The following OCA2 variants were observed in gnomAD, a reference collection of about 807,000 sequenced individuals.
The protein encoded by OCA2 is P protein.
In OCA2, 77 loss-of-function variants were observed where a neutral mutation model predicts 100.2. The observed-to-expected ratio is 0.77, with a 90% CI of 0.64 to 0.93. The LOEUF is 0.93. Among genes scored for constraint, OCA2 ranks in the 40% least tolerant of loss-of-function variants. OCA2 has a pLI of 0.00. For missense variants in OCA2, 1,062 were observed against 1,089.1 expected (o/e 0.98, Z 0.35); for synonymous variants, 432 against 439.2 (o/e 0.98, Z 0.21).
intron 19 of OCA2, among the ~76,000 whole-genome samples, chr15:27,905,310 G>A (rs1035524858): frequency 2.6e-5 from 4 of 152,158 alleles, no homozygotes; most frequent in Admixed American, 1.3e-4. Context: ...TCCACATAAT[G>A]TGAAGGTAGA....
At chr15:27,850,720 C>T (rs2035716754) in intron 22 of OCA2, among the ~76,000 whole-genome samples, 1 of 152,126 alleles carries the variant, frequency 6.6e-6, no homozygotes, top group African/African-American at 2.4e-5. Flanking sequence ...TCTAAGAATA[C>T]CTGGATATAA....
At chr15:27,746,301 C>T in the OCA2 span, among the ~76,000 whole-genome samples, 1 of 151,926 alleles carries the variant, frequency 6.6e-6, no homozygotes. Context: ...ACTAAAAATA[C>T]AAAAATTAAA....
the OCA2 span, among the ~76,000 whole-genome samples, chr15:27,744,409 G>A: frequency 3.9e-5 from 6 of 152,308 alleles, no homozygotes; most frequent in East Asian, 5.8e-4. Flanking sequence ...CCGTGGGCAC[G>A]AGATGGAGGG....
chr15:27,825,148 G>C (rs1373271898), intron 23 of OCA2, among the ~76,000 whole-genome samples: 1 of 152,144 alleles, frequency 6.6e-6, no homozygotes, highest in Non-Finnish European at 1.5e-5. Context: ...GTGATTGCTT[G>C]GTGAGTTGAC....
At chr15:27,913,901 AAGCAAGC>A (rs2038550502) in intron 19 of OCA2, among the ~76,000 whole-genome samples, 1 of 34,832 alleles carries the variant, frequency 2.9e-5, no homozygotes, top group South Asian at 8.1e-4. Context: ...GAAAGCAAGC[AAGCAAGC>A]AAGCAAGCAA....
At position 27,837,741 on chromosome 15, in the gene OCA2, G is replaced by A. The variant is rs114763566; in HGVS notation, c.2432+7218C>T. ...GGTGACAGGCAGGCATGCATCACCCGCAAGAGAAGACAGCAAACAGGCAGG... is the reference window on the plus strand; with the variant it reads ...GGTGACAGGCAGGCATGCATCACCCACAAGAGAAGACAGCAAACAGGCAGG... On this transcript the variant is annotated intron_variant, in intron 23 of 23. Coordinates refer to ENST00000354638, the MANE Select transcript of OCA2 (RefSeq NM_000275.3). 8.1e-3 allele frequency among the ~76,000 whole-genome samples: 1,228 copies of A among 151,920 alleles called. 24 individuals carry two copies. The highest frequency in any genetic ancestry group is 0.026 in the African/African-American group (1,080 of 41,408).
At chr15:27,754,091 C>T (rs1182782542), downstream of OCA2, among the ~76,000 whole-genome samples, 1 of 152,052 alleles carries the variant, frequency 6.6e-6, no homozygotes, top group East Asian at 1.9e-4. Context: ...GGGGCTCCTC[C>T]GGGATATCCA....
chr15:28,045,606 C>A (rs2043324714), intron 2 of OCA2, among the ~76,000 whole-genome samples: 1 of 152,190 alleles, frequency 6.6e-6, no homozygotes, highest in African/African-American at 2.4e-5. Flanking sequence ...CTCTACCTGG[C>A]TGGACCTCAC....
At chr15:27,731,063 G>T in the OCA2 span, among the ~76,000 whole-genome samples, 2 of 151,970 alleles carry the variant, frequency 1.3e-5, no homozygotes, top group African/African-American at 4.8e-5. Context: ...CACATAGTAA[G>T]CAGAATGGCA....
At chr15:27,986,074 T>C (rs919031972) in intron 12 of OCA2, among the ~76,000 whole-genome samples, 1 of 152,220 alleles carries the variant, frequency 6.6e-6, no homozygotes, top group Non-Finnish European at 1.5e-5. Context: ...TAGCAGGGCA[T>C]GGTACATGTT....
chr15:28,010,623 A>G (rs2141195207), intron 9 of OCA2, among the ~76,000 whole-genome samples: 1 of 152,344 alleles, frequency 6.6e-6, no homozygotes, highest in South Asian at 2.1e-4. Flanking sequence ...TCCAAAGAAA[A>G]GGAAACACTT....
intron 8 of OCA2, among the ~76,000 whole-genome samples, chr15:28,015,861 A>G (rs138159017): frequency 9.6e-4 from 146 of 152,322 alleles, no homozygotes; most frequent in African/African-American, 3.2e-3. Context: ...TAGAACGTCA[A>G]CCAAAAAATA....
the OCA2 span, among the ~76,000 whole-genome samples, chr15:27,747,781 G>A: frequency 1.3e-5 from 2 of 152,128 alleles, no homozygotes; most frequent in East Asian, 3.9e-4. Flanking sequence ...TTGATCACAT[G>A]AGTTCTTTCT....
chr15:27,920,537 C>T (rs2038820672), intron 19 of OCA2, among the ~76,000 whole-genome samples: 1 of 152,104 alleles, frequency 6.6e-6, no homozygotes, highest in Admixed American at 6.6e-5. Context: ...GACCCCTGCT[C>T]TGGGGTAAAA....
chr15:28,074,673 CAAAAAAAAAA>C (rs1172821817), intron 2 of OCA2, among the ~76,000 whole-genome samples: 2 of 66,950 alleles, frequency 3.0e-5, no homozygotes, highest in African/African-American at 4.2e-5. Flanking sequence ...GACTCCGTCT[CAAAAAAAAAA>C]AAAAAAAAAA....
At chr15:27,942,613 T>C (rs1239629508) in intron 18 of OCA2, among the ~76,000 whole-genome samples, 1 of 152,186 alleles carries the variant, frequency 6.6e-6, no homozygotes, top group Non-Finnish European at 1.5e-5. Context: ...ACTTTGTGAA[T>C]ATACTAAAAT....
chr15:27,997,095 A>AAAGAGAAAGAAAGG (rs1359347381), intron 9 of OCA2, among the ~76,000 whole-genome samples: 4 of 130,914 alleles, frequency 3.1e-5, no homozygotes, highest in Admixed American at 1.6e-4. Context: ...AGAAAGAAAG[A>AAAGAGAAAGAAAGG]AAGGAAGAAA....
intron 23 of OCA2, among the ~76,000 whole-genome samples, chr15:27,780,651 T>C (rs545261567): frequency 3.0e-4 from 46 of 152,350 alleles, no homozygotes; most frequent in African/African-American, 7.7e-4. Flanking sequence ...GAGCCTAATA[T>C]TCTGATGTGC....
At chr15:28,086,113 A>G (rs1290079492) in intron 1 of OCA2, among the ~76,000 whole-genome samples, 1 of 152,150 alleles carries the variant, frequency 6.6e-6, no homozygotes, top group Non-Finnish European at 1.5e-5. Context: ...TCCTCCCTAC[A>G]CACTCCTCCC....
Sources: gnomAD v4.1 joint callset for allele counts (sites outside exome capture counted in the v4.1 genomes callset) on GRCh38, gnomAD v4.1.1 for gene constraint, MANE v1.5 for transcripts, NCBI Gene and HGNC (gene_info 2026-07-23, HGNC 2026-07-21) for gene names.